SLC38A8: variants seen among roughly 807,000 people sequenced by gnomAD.
SLC38A8 encodes amino acid transporter SLC38A8.
A neutral mutation model predicts 46.0 loss-of-function variants in SLC38A8; 65 were observed. The observed-to-expected ratio is 1.41, with a 90% CI of 1.16 to 1.74. The LOEUF (loss-of-function observed/expected upper bound fraction) is 1.74, where lower values mean the gene tolerates loss of function less well. Among genes scored for constraint, SLC38A8 ranks in the 40% most tolerant of loss-of-function variants. The probability of loss-of-function intolerance (pLI) is 0.00; values close to 1 mark genes in which losing one functional copy is unlikely to be tolerated. For missense variants in SLC38A8, 998 were observed against 567.9 expected (o/e 1.76, Z -7.70); for synonymous variants, 447 against 243.7 (o/e 1.83, Z -7.77).
rs367885746 is a variant in SLC38A8 at position 84,017,315 on chromosome 16, A to G, written c.806-28T>C. 6 of 1,612,524 alleles carry G rather than the reference A, an allele frequency of 3.7e-6. No homozygotes were observed. In the African/African-American group the frequency reaches 8.0e-5, roughly 22 times the overall value. Reference sequence around the variant, plus strand: ...GAAGGTGGGAAAGGATGGAAGCCACAGAGTGGATTAGGAAAATGCTGCCCC... The same window carrying G: ...GAAGGTGGGAAAGGATGGAAGCCACGGAGTGGATTAGGAAAATGCTGCCCC... On this transcript the variant is annotated intron_variant, in intron 7 of 10. Transcript: ENST00000299709.
At chr16:84,012,785 G>A (rs111375709) in intron 10 of SLC38A8, among the ~76,000 whole-genome samples, 3 of 152,226 alleles carry the variant, frequency 2.0e-5, no homozygotes, top group African/African-American at 4.8e-5. Flanking sequence ...AGAGTGGAAG[G>A]GAAGGCCCTT....
chr16:84,039,354 C>T (rs367958309), intron 2 of SLC38A8, among the ~76,000 whole-genome samples: 5 of 152,320 alleles, frequency 3.3e-5, no homozygotes, highest in African/African-American at 7.2e-5. Flanking sequence ...CTCTCACCCA[C>T]GCTCTAAGCT....
At chr16:84,024,614 C>T (rs2085139427) in intron 6 of SLC38A8, among the ~76,000 whole-genome samples, 2 of 152,074 alleles carry the variant, frequency 1.3e-5, no homozygotes, top group Admixed American at 6.5e-5. Context: ...AACCCCGTCT[C>T]TACTAAAAGT....
At chr16:84,022,749 G>A (rs372171866) in intron 7 of SLC38A8, 26 bp downstream of exon 7, 13 of 1,585,542 alleles carry the variant, frequency 8.2e-6, no homozygotes, top group Admixed American at 1.7e-5. Context: ...CCCACCCTCT[G>A]CAGGGGTGCC....
At chr16:84,031,825 C>T in intron 5 of SLC38A8, 42 bp downstream of exon 5, 1 of 1,558,756 alleles carries the variant, frequency 6.4e-7, no homozygotes, top group Non-Finnish European at 8.8e-7. Context: ...CCCTGCCGTG[C>T]CTCCCCGCCG....
intron 10 of SLC38A8, among the ~76,000 whole-genome samples, chr16:84,011,991 G>A (rs1160730106): frequency 1.1e-4 from 16 of 152,176 alleles, no homozygotes; most frequent in Non-Finnish European, 4.4e-5. Context: ...CACAGGCCAA[G>A]GAGCACCTGG....
Position 84,009,769 on chromosome 16 carries a change from G to T in SLC38A8, c.*15C>A, listed in dbSNP as rs144515669. ...GCCCCCGGAGGGCCCCTTCCTGCCC[G>T]GCACTAGCTGCCCATCAGAACATCT... On this transcript the variant is annotated 3_prime_UTR_variant, in exon 11 of 11. Coordinates refer to ENST00000299709, the MANE Select transcript of SLC38A8 (RefSeq NM_001080442.3). 1.4e-4 allele frequency: 232 copies of T among 1,610,954 alleles called. No individual in the cohort carries two copies. The African/African-American group carries it at 2.6e-3, about 18-fold the overall frequency.
intron 3 of SLC38A8, among the ~76,000 whole-genome samples, chr16:84,034,591 T>A (rs1157022854): frequency 6.6e-6 from 1 of 152,106 alleles, no homozygotes; most frequent in Non-Finnish European, 1.5e-5. Flanking sequence ...CCCTGAGGTG[T>A]CTTAAGTGCT....
chr16:84,013,200 C>T (rs991149067), intron 9 of SLC38A8, 148 bp from the exon 10 acceptor site: 4 of 783,128 alleles, frequency 5.1e-6, no homozygotes, highest in African/African-American at 3.5e-5. Context: ...AGAGGCAACA[C>T]AGTGGAGCTG....
At chr16:84,023,873 G>A (rs997159356) in intron 6 of SLC38A8, among the ~76,000 whole-genome samples, 1 of 152,218 alleles carries the variant, frequency 6.6e-6, no homozygotes, top group Non-Finnish European at 1.5e-5. Context: ...CAGCCTGAAA[G>A]ACACAGTGAC....
intron 3 of SLC38A8, 76 bp from the exon 4 acceptor site, chr16:84,033,545 C>T (rs2085270465): frequency 2.0e-6 from 3 of 1,486,170 alleles, no homozygotes; most frequent in African/African-American, 1.4e-5. Flanking sequence ...GGCCCTTCAA[C>T]CCTGGCTGGG....
chr16:84,030,895 T>C (rs2085229881), intron 5 of SLC38A8, among the ~76,000 whole-genome samples: 2 of 152,128 alleles, frequency 1.3e-5, no homozygotes, highest in Admixed American at 6.5e-5. Context: ...ATCTCAAGCA[T>C]ATCCAGTCTG....
intron 6 of SLC38A8, among the ~76,000 whole-genome samples, chr16:84,024,477 G>A (rs1306057958): frequency 6.6e-6 from 1 of 151,818 alleles, no homozygotes; most frequent in South Asian, 2.1e-4. Context: ...CCATGCCCAA[G>A]GGGGATAAGA....
intron 5 of SLC38A8, among the ~76,000 whole-genome samples, chr16:84,031,352 T>C (rs2085235896): frequency 6.6e-6 from 1 of 152,172 alleles, no homozygotes; most frequent in Non-Finnish European, 1.5e-5. Flanking sequence ...AGAGTGACCC[T>C]TTCTAAAAAC....
intron 9 of SLC38A8, among the ~76,000 whole-genome samples, chr16:84,015,123 G>T (rs994219207): frequency 6.6e-6 from 1 of 152,122 alleles, no homozygotes; most frequent in African/African-American, 2.4e-5. Context: ...TCCAGTCGCG[G>T]CTGAATCACA....
chr16:84,015,610 G>T (rs563056658), intron 9 of SLC38A8, among the ~76,000 whole-genome samples: 24 of 152,148 alleles, frequency 1.6e-4, no homozygotes, highest in Non-Finnish European at 2.8e-4. Context: ...CGCATCTATG[G>T]AATGGGATCA....
chr16:84,038,698 G>A (rs1044626196), intron 2 of SLC38A8, among the ~76,000 whole-genome samples: 3 of 152,176 alleles, frequency 2.0e-5, no homozygotes, highest in African/African-American at 7.2e-5. Context: ...GCCACACCCC[G>A]GACGGTGCCA....
intron 7 of SLC38A8, among the ~76,000 whole-genome samples, chr16:84,020,292 C>T (rs2085079725): frequency 1.3e-5 from 2 of 152,248 alleles, no homozygotes; most frequent in Non-Finnish European, 2.9e-5. Context: ...TACAGGCTCA[C>T]ACCACTATGT....
chr16:84,029,256 G>C (rs1004372404), intron 6 of SLC38A8, among the ~76,000 whole-genome samples: 2 of 152,184 alleles, frequency 1.3e-5, no homozygotes, highest in Admixed American at 1.3e-4. Context: ...GGCCATCAGT[G>C]GGGGCTGGAT....
Sources: gnomAD v4.1 joint callset for allele counts (sites outside exome capture counted in the v4.1 genomes callset) on GRCh38, gnomAD v4.1.1 for gene constraint, MANE v1.5 for transcripts, NCBI Gene and HGNC (gene_info 2026-07-23, HGNC 2026-07-21) for gene names.